Variants in SPOCK1 observed in about 807,000 individuals in gnomAD.
SPOCK1 encodes the protein SPARC (osteonectin), cwcv and kazal like domains proteoglycan 1.
In SPOCK1, 23 loss-of-function variants were observed where a neutral mutation model predicts 55.3. That is an observed-to-expected ratio of 0.42 (90% CI 0.30 to 0.59). The LOEUF is 0.59. Ranked by LOEUF, SPOCK1 falls within the 20% of genes least tolerant of loss-of-function variation. The probability of loss-of-function intolerance (pLI) is 0.22; values close to 1 mark genes in which losing one functional copy is unlikely to be tolerated. For synonymous variants in SPOCK1, 226 were observed against 221.0 expected (o/e 1.02, Z -0.20); for missense variants, 499 against 552.5 (o/e 0.90, Z 0.97).
At chr5:137,311,335 T>C (rs1757785599) in intron 2 of SPOCK1, among the ~76,000 whole-genome samples, 1 of 152,176 alleles carries the variant, frequency 6.6e-6, no homozygotes, top group African/African-American at 2.4e-5. Flanking sequence ...GACTGCAAAT[T>C]TCTGTCTGTT....
intron 5 of SPOCK1, among the ~76,000 whole-genome samples, chr5:137,077,415 G>A (rs1360439247): frequency 2.0e-5 from 3 of 152,328 alleles, no homozygotes; most frequent in Middle Eastern, 3.4e-3. Flanking sequence ...CCCTGCTGGC[G>A]GCTGTGTGGT....
intron 5 of SPOCK1, among the ~76,000 whole-genome samples, chr5:137,076,607 TAAAAA>T (rs35285273): frequency 1.8e-5 from 2 of 112,664 alleles, no homozygotes; most frequent in Admixed American, 8.6e-5. Flanking sequence ...GGACTGAAAG[TAAAAA>T]AAAAAAAAAA....
intron 2 of SPOCK1, among the ~76,000 whole-genome samples, chr5:137,468,079 A>G (rs1195538294): frequency 1.3e-5 from 2 of 152,184 alleles, no homozygotes; most frequent in Non-Finnish European, 2.9e-5. Flanking sequence ...AATAGGACAC[A>G]CTGTCCCTAA....
chr5:137,341,090 C>G (rs1354200156), intron 2 of SPOCK1, among the ~76,000 whole-genome samples: 2 of 152,210 alleles, frequency 1.3e-5, no homozygotes, highest in East Asian at 3.8e-4. Context: ...GTGATGCTGT[C>G]TTCACTGTCT....
At chr5:137,234,601 G>T (rs533030606) in intron 3 of SPOCK1, among the ~76,000 whole-genome samples, 26 of 152,262 alleles carry the variant, frequency 1.7e-4, no homozygotes, top group African/African-American at 6.0e-4. Flanking sequence ...AAAAGTTAGG[G>T]TGAGTGAGAT....
At chr5:137,433,230 G>A (rs771620829) in intron 2 of SPOCK1, among the ~76,000 whole-genome samples, 4 of 152,208 alleles carry the variant, frequency 2.6e-5, no homozygotes, top group Non-Finnish European at 4.4e-5. Flanking sequence ...GAAACAGAAG[G>A]AGTGTTACAG....
At chr5:137,290,835 T>C (rs1193184767) in intron 2 of SPOCK1, among the ~76,000 whole-genome samples, 1 of 152,164 alleles carries the variant, frequency 6.6e-6, no homozygotes, top group Non-Finnish European at 1.5e-5. Context: ...CCTTGTCTAG[T>C]CTCAACCCTG....
chr5:137,380,572 C>A (rs1751441792), intron 2 of SPOCK1, among the ~76,000 whole-genome samples: 1 of 152,140 alleles, frequency 6.6e-6, no homozygotes, highest in African/African-American at 2.4e-5. Flanking sequence ...CATCAGGAAA[C>A]TTAACAATCA....
chr5:137,278,451 C>T lies in SPOCK1; in HGVS notation c.187-11396G>A, dbSNP rs565043473. Among the ~76,000 whole-genome samples, 3 of 152,326 alleles carry T rather than the reference C, an allele frequency of 2.0e-5. No homozygotes were observed. In the East Asian group the frequency reaches 5.8e-4, roughly 29 times the overall value. On this transcript the variant is annotated intron_variant, in intron 2 of 10. Coordinates refer to ENST00000394945, the MANE Select transcript of SPOCK1 (RefSeq NM_004598.4). ...CCCACATTCCTGAGCCACAGTTTTC[C>T]TGTACAATCACCAACAAGGCTTCCA...
At chr5:137,033,959 G>A (rs980696321) in intron 6 of SPOCK1, among the ~76,000 whole-genome samples, 1 of 152,146 alleles carries the variant, frequency 6.6e-6, no homozygotes, top group Non-Finnish European at 1.5e-5. Flanking sequence ...TTTTATAATA[G>A]TATCATCACA....
At chr5:137,221,227 G>A (rs1755841455) in intron 3 of SPOCK1, among the ~76,000 whole-genome samples, 1 of 152,118 alleles carries the variant, frequency 6.6e-6, no homozygotes, top group African/African-American at 2.4e-5. Context: ...TCTTTTAAAT[G>A]TCTGTCCATC....
chr5:137,388,532 C>T (rs1751644621), intron 2 of SPOCK1, among the ~76,000 whole-genome samples: 1 of 152,130 alleles, frequency 6.6e-6, no homozygotes, highest in African/African-American at 2.4e-5. Flanking sequence ...ATGACCCGTA[C>T]CATCTCCTGC....
chr5:137,137,587 G>C (rs556383779), intron 4 of SPOCK1, among the ~76,000 whole-genome samples: 3 of 152,198 alleles, frequency 2.0e-5, no homozygotes, highest in Non-Finnish European at 4.4e-5. Flanking sequence ...ATCTCAGCCA[G>C]TGCCTCCTCC....
chr5:137,315,208 G>C lies in SPOCK1; in HGVS notation c.187-48153C>G, dbSNP rs78203553. Among the ~76,000 whole-genome samples the C allele has an allele frequency of 4.3e-3, 657 of 152,202 alleles. 6 individuals are homozygous for C. Among genetic ancestry groups the C allele is most frequent in the African/African-American group, 0.014 (591 of 41,530 alleles). On this transcript the variant is annotated intron_variant, in intron 2 of 10. Coordinates refer to ENST00000394945, the MANE Select transcript of SPOCK1 (RefSeq NM_004598.4). ...TCCTTCCACTAGGAAGCCTTCCAAG[G>C]TTCACCATGGACAGAATTCAACACT...
chr5:137,004,928 A>G (rs931078835), intron 6 of SPOCK1, among the ~76,000 whole-genome samples: 2 of 152,202 alleles, frequency 1.3e-5, no homozygotes, highest in African/African-American at 4.8e-5. Flanking sequence ...CACAGATTAA[A>G]CAGAAGCTGC....
chr5:137,207,836 T>C (rs1580808044), intron 3 of SPOCK1, among the ~76,000 whole-genome samples: 1 of 152,322 alleles, frequency 6.6e-6, no homozygotes, highest in East Asian at 1.9e-4. Context: ...ACTATTGCCA[T>C]TGGTTATTAT....
intron 2 of SPOCK1, among the ~76,000 whole-genome samples, chr5:137,272,642 A>G (rs971870099): frequency 2.0e-5 from 3 of 152,000 alleles, no homozygotes; most frequent in Non-Finnish European, 4.4e-5. Context: ...TCAGCCTTCC[A>G]TCCAAAGCTA....
At chr5:137,235,344 G>A (rs949954164) in intron 3 of SPOCK1, among the ~76,000 whole-genome samples, 5 of 152,196 alleles carry the variant, frequency 3.3e-5, no homozygotes, top group Admixed American at 1.3e-4. Flanking sequence ...ATGGTCATCA[G>A]GAAAAACAAT....
chr5:137,175,081 T>C (rs1377570852), intron 3 of SPOCK1, among the ~76,000 whole-genome samples: 1 of 152,004 alleles, frequency 6.6e-6, no homozygotes, highest in Non-Finnish European at 1.5e-5. Context: ...TTCACACAAC[T>C]ATAAAAAGAA....
Sources: allele counts gnomAD v4.1 joint callset (sites outside exome capture counted in the v4.1 genomes callset), GRCh38; gene constraint gnomAD v4.1.1; transcripts MANE v1.5; gene names NCBI Gene and HGNC (gene_info 2026-07-23, HGNC 2026-07-21).